The following NTRK3 variants were observed in gnomAD, a reference collection of about 807,000 sequenced individuals.
NTRK3 encodes neurotrophic receptor tyrosine kinase 3, also known as NT-3 growth factor receptor.
A neutral mutation model predicts 91.7 loss-of-function variants in NTRK3; 24 were observed. That is an observed-to-expected ratio of 0.26 (90% CI 0.19 to 0.37). NTRK3 has a LOEUF of 0.37. NTRK3 is among the 10% of genes least tolerant of loss of function. NTRK3 has a pLI of 1.00. For synonymous variants in NTRK3, 483 were observed against 404.0 expected (o/e 1.20, Z -2.34); for missense variants, 880 against 1,068.9 (o/e 0.82, Z 2.46).
intron 13 of NTRK3, among the ~76,000 whole-genome samples, chr15:88,038,686 C>T (rs1021049875): frequency 6.6e-6 from 1 of 152,026 alleles, no homozygotes; most frequent in Non-Finnish European, 1.5e-5. Context: ...TTGCTGTGAA[C>T]CTAAAATCAC....
At chr15:87,971,467 A>G (rs1354636022) in intron 14 of NTRK3, among the ~76,000 whole-genome samples, 1 of 152,242 alleles carries the variant, frequency 6.6e-6, no homozygotes, top group Non-Finnish European at 1.5e-5. Context: ...AGATTCTGAC[A>G]GAATATAATT....
intron 5 of NTRK3, among the ~76,000 whole-genome samples, chr15:88,148,188 T>C (rs1320250845): frequency 6.6e-6 from 1 of 152,218 alleles, no homozygotes; most frequent in Non-Finnish European, 1.5e-5. Flanking sequence ...GTGTGTATAC[T>C]TGTGTCTATT....
chr15:88,228,577 C>T (rs1309425085), intron 3 of NTRK3, among the ~76,000 whole-genome samples: 1 of 152,216 alleles, frequency 6.6e-6, no homozygotes, highest in Non-Finnish European at 1.5e-5. Flanking sequence ...CCACAGCCTT[C>T]CTGATTCCCC....
intron 17 of NTRK3, among the ~76,000 whole-genome samples, chr15:87,910,638 G>A (rs529933476): frequency 7.2e-5 from 11 of 152,186 alleles, no homozygotes; most frequent in Non-Finnish European, 1.5e-4. Flanking sequence ...CCATGTGAGT[G>A]CATGAGGTTT....
intron 14 of NTRK3, chr15:87,981,256 T>A (rs775328767): frequency 8.2e-6 from 13 of 1,590,540 alleles, no homozygotes; most frequent in Middle Eastern, 1.7e-4. Flanking sequence ...ACTTCCCCAC[T>A]CTGGACCTCA....
At chr15:88,159,943 T>C (rs1327403625) in intron 5 of NTRK3, among the ~76,000 whole-genome samples, 15 of 112,046 alleles carry the variant, frequency 1.3e-4, no homozygotes, top group Admixed American at 3.6e-4. Context: ...CCCAGCCTCC[T>C]ACACACACAC....
At chr15:88,217,023 C>T (rs1327607333) in intron 3 of NTRK3, among the ~76,000 whole-genome samples, 1 of 152,156 alleles carries the variant, frequency 6.6e-6, no homozygotes, top group Non-Finnish European at 1.5e-5. Context: ...TGAAGACATA[C>T]TTGACATCAC....
intron 14 of NTRK3, among the ~76,000 whole-genome samples, chr15:87,988,289 T>C (rs972466012): frequency 1.3e-5 from 2 of 152,114 alleles, no homozygotes; most frequent in Non-Finnish European, 2.9e-5. Context: ...ACAAGGAAAG[T>C]CTAAGAAACT....
At chr15:87,898,630 A>T (rs1459624300) in intron 17 of NTRK3, among the ~76,000 whole-genome samples, 4 of 152,064 alleles carry the variant, frequency 2.6e-5, no homozygotes, top group Non-Finnish European at 5.9e-5. Context: ...AGCGACATTA[A>T]TAATATCTCT....
At chr15:88,159,991 C>T (rs1331788014) in intron 5 of NTRK3, among the ~76,000 whole-genome samples, 1 of 143,528 alleles carries the variant, frequency 7.0e-6, no homozygotes, top group Non-Finnish European at 1.5e-5. Flanking sequence ...CACACACACA[C>T]ACATTGCTTG....
intron 17 of NTRK3, among the ~76,000 whole-genome samples, chr15:87,886,562 T>C (rs911147790): frequency 6.6e-6 from 1 of 150,960 alleles, no homozygotes; most frequent in African/African-American, 2.4e-5. Flanking sequence ...TGCAAATATA[T>C]AGTGATACCA....
chr15:88,047,563 G>C (rs1336014742), intron 13 of NTRK3, among the ~76,000 whole-genome samples: 1 of 152,118 alleles, frequency 6.6e-6, no homozygotes, highest in Non-Finnish European at 1.5e-5. Context: ...TATTAAACTA[G>C]CCAATTCATT....
Position 88,128,518 on chromosome 15 carries a change from C to G in NTRK3, c.1228+193G>C, listed in dbSNP as rs1057159353. ...GGGATAGTGAACCACAGAGTGATTA[C>G]CCAAGAAAAGTGGGCTTGGAACTGC... On this transcript the variant is annotated intron_variant, in intron 11 of 18. Transcript: ENST00000394480. Among the ~76,000 whole-genome samples the G allele has an allele frequency of 9.2e-5, 14 of 152,238 alleles. No individual in the cohort carries two copies. The East Asian group carries it at 2.7e-3, about 29-fold the overall frequency.
chr15:88,109,100 G>A (rs922646948), intron 13 of NTRK3, among the ~76,000 whole-genome samples: 3 of 152,164 alleles, frequency 2.0e-5, no homozygotes, highest in Non-Finnish European at 2.9e-5. Context: ...CCCAATCCAT[G>A]GGGAGTCTTT....
intron 17 of NTRK3, among the ~76,000 whole-genome samples, chr15:87,915,181 G>A (rs2067364552): frequency 6.6e-6 from 1 of 152,176 alleles, no homozygotes; most frequent in Non-Finnish European, 1.5e-5. Flanking sequence ...CATCCATTAT[G>A]CATATGCATA....
intron 13 of NTRK3, among the ~76,000 whole-genome samples, chr15:88,104,167 G>C (rs922630539): frequency 6.6e-6 from 1 of 152,324 alleles, no homozygotes; most frequent in Middle Eastern, 3.4e-3. Context: ...GTTTCAATAT[G>C]ACAAGGTGGA....
At chr15:87,915,826 T>G (rs1266244565) in intron 17 of NTRK3, among the ~76,000 whole-genome samples, 1 of 152,180 alleles carries the variant, frequency 6.6e-6, no homozygotes, top group East Asian at 1.9e-4. Context: ...AGAAATTGTT[T>G]TTTTTTCAGA....
intron 13 of NTRK3, among the ~76,000 whole-genome samples, chr15:88,053,633 C>T (rs2045427005): frequency 6.6e-6 from 1 of 152,142 alleles, no homozygotes; most frequent in Non-Finnish European, 1.5e-5. Flanking sequence ...CCTCGCTCTG[C>T]CTCAGTATTC....
chr15:88,067,231 T>C (rs1433122518), intron 13 of NTRK3, among the ~76,000 whole-genome samples: 1 of 151,950 alleles, frequency 6.6e-6, no homozygotes, highest in Non-Finnish European at 1.5e-5. Flanking sequence ...CCACACGCCA[T>C]TTTTTTTCAC....
Sources: gnomAD v4.1 joint callset for allele counts (sites outside exome capture counted in the v4.1 genomes callset) on GRCh38, gnomAD v4.1.1 for gene constraint, MANE v1.5 for transcripts, NCBI Gene and HGNC (gene_info 2026-07-23, HGNC 2026-07-21) for gene names.